TAB2: variants seen among roughly 807,000 people sequenced by gnomAD.
TAB2 encodes the protein TGF-beta activated kinase 1 (MAP3K7) binding protein 2.
Under a neutral mutation model 65.0 loss-of-function variants are expected in TAB2, and 3 were observed. That is an observed-to-expected ratio of 0.05 (90% CI 0.02 to 0.12). The LOEUF (loss-of-function observed/expected upper bound fraction) is 0.12, where lower values mean the gene tolerates loss of function less well. TAB2 is among the 10% of genes least tolerant of loss of function. The probability of loss-of-function intolerance (pLI) is 1.00; values close to 1 mark genes in which losing one functional copy is unlikely to be tolerated. For missense variants in TAB2, 623 were observed against 840.3 expected (o/e 0.74, Z 3.20); for synonymous variants, 298 against 285.1 (o/e 1.05, Z -0.46).
intron 3 of TAB2, among the ~76,000 whole-genome samples, chr6:149,388,048 G>A (rs912879513): frequency 1.3e-5 from 2 of 152,158 alleles, no homozygotes; most frequent in Non-Finnish European, 2.9e-5. Context: ...CTGTGTCCAA[G>A]GATATATGTG....
chr6:149,390,641 A>G (rs1583152107), intron 3 of TAB2, among the ~76,000 whole-genome samples: 1 of 152,146 alleles, frequency 6.6e-6, no homozygotes, highest in Admixed American at 6.5e-5. Flanking sequence ...CTTTCTGTAT[A>G]AACCATTTAG....
rs1359308946 is a variant in TAB2 at position 149,399,174 on chromosome 6, A to G, written c.1929A>G (p.Pro643=). The G allele has an allele frequency of 6.2e-7, 1 of 1,613,170 alleles. No individual in the cohort carries two copies. ...TTGGATTTGTAGGTCCTGTGCCACC[A>G]AAACCCAAAGGTTAGTGTATCCATT... ...DNIGFVGPVP[P]KPKDQRSIIK... Residue 643 remains proline, a synonymous_variant, in exon 6 of 7, where the codon CCA becomes CCG. Coordinates refer to ENST00000637181, the MANE Select transcript of TAB2 (RefSeq NM_001292034.3).
At chr6:149,408,536 A>G (rs1286936743) in intron 6 of TAB2, among the ~76,000 whole-genome samples, 2 of 152,196 alleles carry the variant, frequency 1.3e-5, no homozygotes, top group East Asian at 3.8e-4. Flanking sequence ...TAGAAAAGTT[A>G]TCAGTAGGGT....
intron 1 of TAB2, among the ~76,000 whole-genome samples, chr6:149,362,118 C>T (rs955314449): frequency 2.0e-5 from 3 of 152,246 alleles, no homozygotes; most frequent in African/African-American, 4.8e-5. Context: ...GCCTGTTACC[C>T]AGTTCCCAAG....
At chr6:149,348,477 A>G (rs1037773440) in intron 1 of TAB2, among the ~76,000 whole-genome samples, 1 of 152,046 alleles carries the variant, frequency 6.6e-6, no homozygotes, top group African/African-American at 2.4e-5. Flanking sequence ...AACTAAATAG[A>G]TAGGTCGAAA....
intron 1 of TAB2, among the ~76,000 whole-genome samples, chr6:149,350,946 C>A (rs1159529547): frequency 6.6e-6 from 1 of 152,138 alleles, no homozygotes; most frequent in Non-Finnish European, 1.5e-5. Context: ...TTGAAACCTT[C>A]ATTCATCTTC....
At chr6:149,395,311 G>A (rs1562451335) in intron 3 of TAB2, among the ~76,000 whole-genome samples, 1 of 152,166 alleles carries the variant, frequency 6.6e-6, no homozygotes, top group Non-Finnish European at 1.5e-5. Flanking sequence ...GTTTAATTAG[G>A]TTGCATTCAT....
chr6:149,363,543 C>T (rs1780926589), intron 1 of TAB2, among the ~76,000 whole-genome samples: 1 of 152,094 alleles, frequency 6.6e-6, no homozygotes, highest in Non-Finnish European at 1.5e-5. Flanking sequence ...AAAATATTTT[C>T]TGAACAAAAA....
At chr6:149,320,913 C>A (rs1562414102) in intron 1 of TAB2, 1 of 152,172 alleles carries the variant, frequency 6.6e-6, no homozygotes, top group Non-Finnish European at 1.5e-5. Flanking sequence ...TCACTTATGT[C>A]ATCTTTATTT....
intron 3 of TAB2, among the ~76,000 whole-genome samples, chr6:149,391,312 T>A (rs1222853258): frequency 1.3e-5 from 2 of 152,114 alleles, no homozygotes; most frequent in Non-Finnish European, 2.9e-5. Flanking sequence ...AATTTTACAA[T>A]GGTGTAGGGG....
chr6:149,392,801 G>A (rs1782034781), intron 3 of TAB2, among the ~76,000 whole-genome samples: 1 of 152,086 alleles, frequency 6.6e-6, no homozygotes, highest in Admixed American at 6.5e-5. Flanking sequence ...TTTTCATTTA[G>A]TGGAGGCTAA....
chr6:149,311,692 G>T lies in TAB2; in HGVS notation c.-120-66326G>T, dbSNP rs1428666611. Among the ~76,000 whole-genome samples the T allele has an allele frequency of 4.3e-5, 2 of 46,310 alleles. 1 individual carries two copies. The highest frequency in any genetic ancestry group is 1.1e-4 in the Non-Finnish European group (2 of 17,594). The allele number at this position is 46,310 out of a possible 152,430, so 30.4% of individuals were successfully genotyped here. ...AACTGGTTTATAATTAGTAAATTTTGTATGCCCCAAATTCCTATCACATTT... is the reference window on the plus strand; with the variant it reads ...AACTGGTTTATAATTAGTAAATTTTTTATGCCCCAAATTCCTATCACATTT... On this transcript the variant is annotated intron_variant, in intron 1 of 1. Transcript: ENST00000606202.
At chr6:149,303,555 AC>A (rs1562406301) in intron 1 of TAB2, among the ~76,000 whole-genome samples, 1 of 152,212 alleles carries the variant, frequency 6.6e-6, no homozygotes, top group African/African-American at 2.4e-5. Flanking sequence ...AGAAGAAAAT[AC>A]AGAAGAGTGG....
intron 1 of TAB2, among the ~76,000 whole-genome samples, chr6:149,254,018 GAAAGA>G (rs1359931223): frequency 7.3e-6 from 1 of 137,268 alleles, no homozygotes; most frequent in Non-Finnish European, 1.6e-5. Context: ...AAGAAAGAAA[GAAAGA>G]AAAGAAAGAA....
At chr6:149,312,110 T>G (rs183928370) in intron 1 of TAB2, among the ~76,000 whole-genome samples, 15 of 152,374 alleles carry the variant, frequency 9.8e-5, no homozygotes, top group African/African-American at 3.6e-4. Context: ...TGAACAGGAC[T>G]GCTGATTTCT....
chr6:149,296,027 C>T (rs1778871652), intron 1 of TAB2, among the ~76,000 whole-genome samples: 1 of 152,224 alleles, frequency 6.6e-6, no homozygotes, highest in Non-Finnish European at 1.5e-5. Context: ...ACCTCGGCCT[C>T]CCAAAGTGCT....
chr6:149,354,839 C>T (rs1212264711), intron 1 of TAB2, among the ~76,000 whole-genome samples: 3 of 152,102 alleles, frequency 2.0e-5, no homozygotes, highest in African/African-American at 7.3e-5. Flanking sequence ...CCATAGTTTA[C>T]ACATCACTAT....
At chr6:149,341,699 A>T (rs1299006841) in intron 1 of TAB2, among the ~76,000 whole-genome samples, 1 of 152,134 alleles carries the variant, frequency 6.6e-6, no homozygotes, top group Non-Finnish European at 1.5e-5. Context: ...TTTCACAAAA[A>T]CTACTTTTAC....
chr6:149,284,131 A>C (rs1778626772), intron 1 of TAB2, among the ~76,000 whole-genome samples: 1 of 152,150 alleles, frequency 6.6e-6, no homozygotes, highest in South Asian at 2.1e-4. Flanking sequence ...CAAAGCTCTT[A>C]GACACAGGGT....
Sources: gnomAD v4.1 joint callset for allele counts (sites outside exome capture counted in the v4.1 genomes callset) on GRCh38, gnomAD v4.1.1 for gene constraint, MANE v1.5 for transcripts, NCBI Gene and HGNC (gene_info 2026-07-23, HGNC 2026-07-21) for gene names.